The following GRM5 variants were observed in gnomAD, a reference collection of about 807,000 sequenced individuals.
GRM5 encodes the protein metabotropic glutamate receptor 5.
In GRM5, 19 loss-of-function variants were observed where a neutral mutation model predicts 83.1. That is an observed-to-expected ratio of 0.23 (90% CI 0.16 to 0.34). The LOEUF (loss-of-function observed/expected upper bound fraction) is 0.34. Ranked by LOEUF, GRM5 falls within the 10% of genes least tolerant of loss-of-function variation. GRM5 has a pLI of 1.00. For synonymous variants in GRM5, 675 were observed against 633.6 expected (o/e 1.07, Z -0.98); for missense variants, 1,160 against 1,588.3 (o/e 0.73, Z 4.58).
intron 4 of GRM5, 123 bp downstream of exon 4, chr11:88,653,045 T>C: frequency 1.6e-6 from 1 of 638,750 alleles, no homozygotes; most frequent in Non-Finnish European, 2.8e-6. Context: ...AGTGGCAATA[T>C]CCACTCTACT....
At chr11:88,675,932 C>A (rs1940316137) in intron 3 of GRM5, among the ~76,000 whole-genome samples, 1 of 151,982 alleles carries the variant, frequency 6.6e-6, no homozygotes, top group African/African-American at 2.4e-5. Context: ...AGAGTCTAAG[C>A]ATTCTCACAC....
At chr11:88,949,984 C>T (rs978177328) in intron 2 of GRM5, among the ~76,000 whole-genome samples, 12 of 152,166 alleles carry the variant, frequency 7.9e-5, no homozygotes, top group African/African-American at 2.4e-4. Flanking sequence ...CCTGCCTCAA[C>T]CTCCCGAGTA....
At chr11:88,895,003 T>C (rs181723606) in intron 2 of GRM5, among the ~76,000 whole-genome samples, 244 of 152,062 alleles carry the variant, frequency 1.6e-3, no homozygotes, top group Non-Finnish European at 2.8e-3. Context: ...GCTATTTTTG[T>C]TATAGTAGCC....
chr11:88,615,010 C>T (rs551154149), intron 4 of GRM5, among the ~76,000 whole-genome samples: 2 of 152,136 alleles, frequency 1.3e-5, no homozygotes, highest in African/African-American at 4.8e-5. Flanking sequence ...TGTGTCTGTT[C>T]TCTTAGATAA....
At chr11:88,531,845 C>T (rs1254158860) in intron 8 of GRM5, among the ~76,000 whole-genome samples, 2 of 152,082 alleles carry the variant, frequency 1.3e-5, no homozygotes, top group Non-Finnish European at 2.9e-5. Context: ...CACTTTCTCT[C>T]TCACACTGAC....
intron 3 of GRM5, among the ~76,000 whole-genome samples, chr11:88,829,462 A>AAAACAAAC (rs150935681): frequency 1.3e-5 from 2 of 152,062 alleles, no homozygotes; most frequent in Non-Finnish European, 2.9e-5. Context: ...CTTGGTCTCA[A>AAAACAAAC]AAACAAACAA....
intron 4 of GRM5, among the ~76,000 whole-genome samples, chr11:88,631,256 C>A (rs534057440): frequency 7.9e-5 from 12 of 152,270 alleles, no homozygotes; most frequent in Admixed American, 3.3e-4. Flanking sequence ...AAAACACCTA[C>A]ATGCATATGA....
At chr11:88,898,486 T>C (rs1945268339) in intron 2 of GRM5, among the ~76,000 whole-genome samples, 1 of 151,930 alleles carries the variant, frequency 6.6e-6, no homozygotes, top group South Asian at 2.1e-4. Context: ...ATGCAAATAA[T>C]ACTGACTGTC....
chr11:89,064,888 C>CTCTCTCTGTGTGTGTG (rs1218318990), intron 1 of GRM5, among the ~76,000 whole-genome samples: 5 of 62,258 alleles, frequency 8.0e-5, no homozygotes, highest in African/African-American at 3.5e-4. Context: ...CTCTCTCTCT[C>CTCTCTCTGTGTGTGTG]TGTGTGTGTG....
At chr11:88,806,837 C>T (rs937056927) in intron 3 of GRM5, among the ~76,000 whole-genome samples, 5 of 152,126 alleles carry the variant, frequency 3.3e-5, no homozygotes, top group African/African-American at 1.2e-4. Context: ...TTCTAATACA[C>T]TAATTGATCC....
chr11:89,062,591 C>T (rs549290974), intron 1 of GRM5, among the ~76,000 whole-genome samples: 2 of 152,356 alleles, frequency 1.3e-5, no homozygotes, highest in African/African-American at 4.8e-5. Context: ...ATCTTGGTTA[C>T]TCGATGTTAA....
At chr11:88,553,317 C>T (rs1942553303) in intron 8 of GRM5, among the ~76,000 whole-genome samples, 1 of 152,158 alleles carries the variant, frequency 6.6e-6, no homozygotes, top group Admixed American at 6.5e-5. Context: ...CTGGTCCATT[C>T]TCCAGCAATA....
intron 2 of GRM5, among the ~76,000 whole-genome samples, chr11:88,947,645 G>T (rs532130918): frequency 1.3e-5 from 2 of 151,380 alleles, no homozygotes; most frequent in South Asian, 2.1e-4. Context: ...CTTATCTGTT[G>T]GTATAGATTT....
intron 2 of GRM5, among the ~76,000 whole-genome samples, chr11:89,009,648 G>A (rs1338582768): frequency 6.6e-6 from 1 of 151,960 alleles, no homozygotes; most frequent in African/African-American, 2.4e-5. Context: ...TGTAATCCCA[G>A]CACTTTGGGA....
At position 88,525,296 on chromosome 11, in the gene GRM5, A is replaced by G; in HGVS notation, c.2726+13T>C. 4.7e-6 allele frequency: 7 copies of G among 1,488,080 alleles called. No homozygotes were observed. Among genetic ancestry groups the G allele is most frequent in the Non-Finnish European group, 5.6e-6 (6 of 1,065,862 alleles). The allele number at this position is 1,488,080 out of a possible 1,614,324, so 92.2% of individuals were successfully genotyped here. On this transcript the variant is annotated intron_variant, in intron 9 of 9. Coordinates refer to ENST00000305447, the MANE Select transcript of GRM5 (RefSeq NM_001143831.3). ...TATTTCACACCACCTCAGGCCACTC[A>G]TAGTTTGCTTACCTGCTCATTGTTG...
intron 9 of GRM5, among the ~76,000 whole-genome samples, chr11:88,524,214 CTTTTTTTTTTT>C (rs71470770): frequency 2.0e-5 from 2 of 101,408 alleles, no homozygotes; most frequent in Non-Finnish European, 1.9e-5. Flanking sequence ...TTCTTTCTTT[CTTTTTTTTTTT>C]TTTTTTTTTT....
At chr11:88,694,890 T>A (rs923587337) in intron 3 of GRM5, among the ~76,000 whole-genome samples, 1 of 152,186 alleles carries the variant, frequency 6.6e-6, no homozygotes, top group Non-Finnish European at 1.5e-5. Context: ...ACCACACAGA[T>A]AATTTTTGAA....
chr11:88,769,821 T>C (rs901019782), intron 3 of GRM5, among the ~76,000 whole-genome samples: 3 of 152,046 alleles, frequency 2.0e-5, no homozygotes, highest in Non-Finnish European at 2.9e-5. Flanking sequence ...AAATAAATTA[T>C]GTAAATGCTT....
intron 2 of GRM5, among the ~76,000 whole-genome samples, chr11:88,933,868 C>T (rs1364307607): frequency 6.6e-6 from 1 of 151,756 alleles, no homozygotes; most frequent in African/African-American, 2.4e-5. Context: ...CAGTAAAGGG[C>T]TTGGAACATC....
Sources: gnomAD v4.1 joint callset for allele counts (sites outside exome capture counted in the v4.1 genomes callset) on GRCh38, gnomAD v4.1.1 for gene constraint, MANE v1.5 for transcripts, NCBI Gene and HGNC (gene_info 2026-07-23, HGNC 2026-07-21) for gene names.